The following ZNF618 variants were observed in gnomAD, a reference collection of about 807,000 sequenced individuals.
ZNF618 encodes neural precursor cell expressed, developmentally down-regulated 10.
In ZNF618, 34 loss-of-function variants were observed where a neutral mutation model predicts 103.0. That is an observed-to-expected ratio of 0.33 (90% CI 0.25 to 0.44). ZNF618 has a LOEUF of 0.44. Among genes scored for constraint, ZNF618 ranks in the 20% least tolerant of loss-of-function variants. The pLI, the probability that ZNF618 is intolerant of heterozygous loss-of-function variation, is 1.00. For missense variants in ZNF618, 1,059 were observed against 1,295.4 expected (o/e 0.82, Z 2.80); for synonymous variants, 551 against 542.2 (o/e 1.02, Z -0.23).
At chr9:113,963,460 A>G (rs918593391) in intron 1 of ZNF618, among the ~76,000 whole-genome samples, 1 of 152,154 alleles carries the variant, frequency 6.6e-6, no homozygotes, top group African/African-American at 2.4e-5. Context: ...AGAAACTCCC[A>G]TTTCTCTCTG....
intron 3 of ZNF618, among the ~76,000 whole-genome samples, chr9:113,989,073 T>G (rs767850491): frequency 4.0e-4 from 61 of 152,202 alleles, no homozygotes; most frequent in Non-Finnish European, 6.8e-4. Flanking sequence ...ACTCACATCT[T>G]AGCAACAATT....
At chr9:113,885,438 G>A (rs1828971563) in intron 1 of ZNF618, among the ~76,000 whole-genome samples, 1 of 152,198 alleles carries the variant, frequency 6.6e-6, no homozygotes. Context: ...GCTATGCTGG[G>A]TAAGTTGTGT....
intron 5 of ZNF618, 29 bp from the exon 6 acceptor site, chr9:114,002,595 C>A: frequency 5.7e-6 from 9 of 1,592,792 alleles, no homozygotes; most frequent in Non-Finnish European, 7.7e-6. Context: ...GGTAGCCCCA[C>A]CCCCATCCCT....
intron 1 of ZNF618, among the ~76,000 whole-genome samples, chr9:113,907,597 C>T (rs1329368712): frequency 6.6e-6 from 1 of 152,190 alleles, no homozygotes; most frequent in African/African-American, 2.4e-5. Flanking sequence ...AGGACACCTC[C>T]ACACCACCTC....
chr9:113,989,930 A>G (rs888585381), intron 3 of ZNF618, among the ~76,000 whole-genome samples: 1 of 152,174 alleles, frequency 6.6e-6, no homozygotes, highest in Non-Finnish European at 1.5e-5. Flanking sequence ...AACACCGACC[A>G]TGTTGCTCCC....
intron 1 of ZNF618, among the ~76,000 whole-genome samples, chr9:113,951,451 G>GTGTGTGTA (rs1457536817): frequency 2.4e-3 from 25 of 10,620 alleles, no homozygotes; most frequent in South Asian, 4.1e-3. Context: ...ACATATATGT[G>GTGTGTGTA]TATATATACA....
Position 113,917,689 on chromosome 9 carries a change from C to T in ZNF618, c.33+41276C>T, listed in dbSNP as rs968939880. On this transcript the variant is annotated intron_variant, in intron 1 of 14. Coordinates refer to ENST00000374126, the MANE Select transcript of ZNF618 (RefSeq NM_001318042.2). ...TTAAAAAACAATTTGTATATACTTCCTCTCTATCTTCCCACCTCTCTTTCC... is the reference window on the plus strand; with the variant it reads ...TTAAAAAACAATTTGTATATACTTCTTCTCTATCTTCCCACCTCTCTTTCC... Among the ~76,000 whole-genome samples the T allele has an allele frequency of 2.0e-5, 3 of 152,036 alleles. No individual in the cohort carries two copies. In the East Asian group the frequency reaches 5.8e-4, roughly 29 times the overall value.
At chr9:113,900,906 C>T (rs1488349950) in intron 1 of ZNF618, among the ~76,000 whole-genome samples, 1 of 69,448 alleles carries the variant, frequency 1.4e-5, no homozygotes, top group Non-Finnish European at 2.7e-5. Context: ...ACCGTCCTCT[C>T]GCGCTAACCC....
chr9:113,941,399 G>T (rs371343781), intron 1 of ZNF618, among the ~76,000 whole-genome samples: 1 of 152,118 alleles, frequency 6.6e-6, no homozygotes, highest in Non-Finnish European at 1.5e-5. Flanking sequence ...GACTTAATCT[G>T]TTTTGTTGGG....
chr9:113,932,143 G>A (rs1287166752), intron 1 of ZNF618, among the ~76,000 whole-genome samples: 1 of 152,188 alleles, frequency 6.6e-6, no homozygotes, highest in African/African-American at 2.4e-5. Flanking sequence ...GGATAGACAG[G>A]GGCAGGTAAT....
intron 10 of ZNF618, among the ~76,000 whole-genome samples, chr9:114,027,029 A>G (rs1418464061): frequency 1.3e-5 from 2 of 152,152 alleles, no homozygotes; most frequent in Non-Finnish European, 2.9e-5. Context: ...TCTGCCTCAC[A>G]CAGGAAGCCA....
chr9:114,050,418 T>G lies in ZNF618; in HGVS notation c.*251T>G. The G allele has an allele frequency of 4.7e-5, 18 of 384,052 alleles. No homozygotes were observed. The highest frequency in any genetic ancestry group is 1.0e-4 in the East Asian group (2 of 19,058). The allele number at this position is 384,052 out of a possible 1,614,324, so 23.8% of individuals were successfully genotyped here. On this transcript the variant is annotated 3_prime_UTR_variant, in exon 15 of 15. Transcript: ENST00000374126. Reference sequence around the variant, plus strand: ...GGGGGGGTCTCTGTGCTCATCTCCATGGCCAGAGAAACTTTGCACACACGC... The same window carrying G: ...GGGGGGGTCTCTGTGCTCATCTCCAGGGCCAGAGAAACTTTGCACACACGC...
intron 11 of ZNF618, among the ~76,000 whole-genome samples, chr9:114,029,773 A>G (rs1025631232): frequency 2.6e-5 from 4 of 152,254 alleles, no homozygotes; most frequent in Non-Finnish European, 5.9e-5. Context: ...CAGGCCCAGC[A>G]GGAAATCAGT....
chr9:113,927,276 C>A (rs1833185239), intron 1 of ZNF618, among the ~76,000 whole-genome samples: 1 of 152,116 alleles, frequency 6.6e-6, no homozygotes, highest in African/African-American at 2.4e-5. Context: ...GTTTATCAGG[C>A]TAGGAATTAG....
chr9:113,985,693 G>T (rs951339025), intron 2 of ZNF618, among the ~76,000 whole-genome samples: 4 of 152,194 alleles, frequency 2.6e-5, no homozygotes, highest in South Asian at 2.1e-4. Flanking sequence ...TCGGCTGTGG[G>T]TGAGGAGGCT....
chr9:113,900,236 A>G (rs182869799), intron 1 of ZNF618, among the ~76,000 whole-genome samples: 1 of 151,850 alleles, frequency 6.6e-6, no homozygotes, highest in Non-Finnish European at 1.5e-5. Context: ...TAATTTTTGT[A>G]TTTTTGGTAG....
intron 2 of ZNF618, among the ~76,000 whole-genome samples, chr9:113,983,933 A>G (rs572013239): frequency 2.6e-5 from 4 of 152,248 alleles, no homozygotes; most frequent in African/African-American, 9.6e-5. Context: ...TAGGAGGCAT[A>G]TGTCCCAGTG....
rs1554769115 is a variant in ZNF618 at position 114,050,189 on chromosome 9, A to G, written c.*22A>G. 2 of 1,520,860 alleles carry G rather than the reference A, an allele frequency of 1.3e-6. No homozygotes were observed. The highest frequency in any genetic ancestry group is 1.3e-5 in the South Asian group (1 of 77,882). The allele number at this position is 1,520,860 out of a possible 1,614,324, so 94.2% of individuals were successfully genotyped here. ...TTAAGACTTGACTTCGGGGGAAAAA[A>G]AAAGAAAAAGAGAAGATAACATTAG... On this transcript the variant is annotated 3_prime_UTR_variant, in exon 15 of 15. Transcript: ENST00000374126.
intron 1 of ZNF618, among the ~76,000 whole-genome samples, chr9:113,938,342 T>TA (rs56218119): frequency 0.48 from 67,890 of 140,878 alleles, 16,215 homozygotes; most frequent in Non-Finnish European, 0.53. Flanking sequence ...CCTGGCTAAT[T>TA]AAAAAAAAAA....
Sources: gnomAD v4.1 joint callset for allele counts (sites outside exome capture counted in the v4.1 genomes callset) on GRCh38, gnomAD v4.1.1 for gene constraint, MANE v1.5 for transcripts, NCBI Gene and HGNC (gene_info 2026-07-23, HGNC 2026-07-21) for gene names.